Variants in IGF2BP3 observed in about 807,000 individuals in gnomAD.
IGF2BP3 encodes the protein insulin like growth factor 2 mRNA binding protein 3.
Under a neutral mutation model 73.8 loss-of-function variants are expected in IGF2BP3, and 9 were observed. That is an observed-to-expected ratio of 0.12 (90% CI 0.07 to 0.21). The LOEUF is 0.21. Ranked by LOEUF, IGF2BP3 falls within the 10% of genes least tolerant of loss-of-function variation. The pLI, the probability that IGF2BP3 is intolerant of heterozygous loss-of-function variation, is 1.00. For missense variants in IGF2BP3, 542 were observed against 714.0 expected, an observed-to-expected ratio of 0.76 and a Z score of 2.75; for synonymous variants, 258 against 256.7, an observed-to-expected ratio of 1.01 and a Z score of -0.05.
chr7:23,425,821 T>C (rs941554119), intron 2 of IGF2BP3, among the ~76,000 whole-genome samples: 1 of 152,050 alleles, frequency 6.6e-6, no homozygotes, highest in African/African-American at 2.4e-5. Context: ...TTTTTTAGCC[T>C]GGCATAGTGG....
chr7:23,388,286 T>C (rs1012576295), intron 3 of IGF2BP3, among the ~76,000 whole-genome samples: 4 of 152,174 alleles, frequency 2.6e-5, no homozygotes, highest in Non-Finnish European at 4.4e-5. Context: ...TCCACCCCTG[T>C]GTATTTACCT....
At chr7:23,378,669 G>A (rs953717058) in intron 3 of IGF2BP3, among the ~76,000 whole-genome samples, 18 of 149,022 alleles carry the variant, frequency 1.2e-4, no homozygotes, top group Non-Finnish European at 2.4e-4. Flanking sequence ...CGCCTCCCAG[G>A]TTCAAGCCAT....
In IGF2BP3 at chr7:23,349,972, T is replaced by C. The variant is rs575334906; in HGVS notation, c.683+1333A>G. On this transcript the variant is annotated intron_variant, in intron 6 of 14. Transcript: ENST00000258729. ...GACTGACTAGGTTATGGTCCAGTTG[T>C]CTTTCCCACTCCTACATGATGAGGT... 1.4e-4 allele frequency among the ~76,000 whole-genome samples: 21 copies of C among 152,296 alleles called. No homozygotes were observed. The South Asian group carries it at 4.4e-3, about 32-fold the overall frequency.
intron 2 of IGF2BP3, among the ~76,000 whole-genome samples, chr7:23,440,771 T>C (rs543588453): frequency 6.0e-4 from 92 of 152,308 alleles, no homozygotes; most frequent in South Asian, 1.9e-3. Context: ...ACTAGGGCTA[T>C]AGAAGGACCT....
At chr7:23,360,060 T>C (rs746999582) in intron 5 of IGF2BP3, among the ~76,000 whole-genome samples, 1 of 151,206 alleles carries the variant, frequency 6.6e-6, no homozygotes, top group Non-Finnish European at 1.5e-5. Context: ...ACACAAGATA[T>C]CACTTTCACA....
rs114496503 is a variant in IGF2BP3 at position 23,420,513 on chromosome 7, C to T, written c.237-1689G>A. 5.6e-3 allele frequency among the ~76,000 whole-genome samples: 852 copies of T among 152,002 alleles called. 12 individuals carry two copies. The highest frequency in any genetic ancestry group is 0.019 in the African/African-American group (806 of 41,508). Reference sequence around the variant, plus strand: ...GAGAAGAAAAAAGAAAAATAAAAAACAGAAAAAAAACAAAGAACTATAGTG... The same window carrying T: ...GAGAAGAAAAAAGAAAAATAAAAAATAGAAAAAAAACAAAGAACTATAGTG... On this transcript the variant is annotated intron_variant, in intron 2 of 14. Coordinates refer to ENST00000258729, the MANE Select transcript of IGF2BP3 (RefSeq NM_006547.3).
chr7:23,331,283 C>T (rs1216967401), intron 10 of IGF2BP3, among the ~76,000 whole-genome samples: 1 of 152,094 alleles, frequency 6.6e-6, no homozygotes, highest in East Asian at 1.9e-4. Context: ...TACATAAATT[C>T]TTAGAAGTAT....
chr7:23,346,200 G>T, intron 7 of IGF2BP3, 138 bp from the exon 8 acceptor site: 2 of 885,508 alleles, frequency 2.3e-6, no homozygotes, highest in Non-Finnish European at 3.3e-6. Context: ...AAAACTTGCT[G>T]ACAATTGGCC....
intron 3 of IGF2BP3, among the ~76,000 whole-genome samples, chr7:23,367,979 A>T (rs1214103701): frequency 1.3e-5 from 2 of 152,076 alleles, no homozygotes. Flanking sequence ...CAGCCTGGGC[A>T]ACAGATAGAG....
intron 5 of IGF2BP3, among the ~76,000 whole-genome samples, chr7:23,353,847 A>C (rs1785027289): frequency 6.6e-6 from 1 of 152,092 alleles, no homozygotes; most frequent in Non-Finnish European, 1.5e-5. Flanking sequence ...TTCTTAAGGG[A>C]ATGTGGATTA....
chr7:23,364,199 C>T (rs776438979), intron 3 of IGF2BP3, among the ~76,000 whole-genome samples: 1 of 152,032 alleles, frequency 6.6e-6, no homozygotes, highest in Non-Finnish European at 1.5e-5. Flanking sequence ...CATGGTGAAG[C>T]CCCGTCTCTA....
intron 5 of IGF2BP3, among the ~76,000 whole-genome samples, chr7:23,354,426 G>A (rs555872405): frequency 3.3e-5 from 5 of 152,292 alleles, no homozygotes; most frequent in East Asian, 1.9e-4. Flanking sequence ...TATAAATGGC[G>A]TATTGCCAGC....
At chr7:23,443,084 T>C (rs957891961) in intron 2 of IGF2BP3, among the ~76,000 whole-genome samples, 1 of 148,736 alleles carries the variant, frequency 6.7e-6, no homozygotes, top group Non-Finnish European at 1.5e-5. Flanking sequence ...CAGATCTACA[T>C]ATTTAAACAT....
chr7:23,402,900 G>C (rs1048769273), intron 3 of IGF2BP3, among the ~76,000 whole-genome samples: 2 of 152,204 alleles, frequency 1.3e-5, no homozygotes, highest in African/African-American at 4.8e-5. Flanking sequence ...CCTTAAGGAA[G>C]TGGTTTTAGA....
At chr7:23,435,411 A>G (rs940419934) in intron 2 of IGF2BP3, among the ~76,000 whole-genome samples, 12 of 151,682 alleles carry the variant, frequency 7.9e-5, no homozygotes, top group African/African-American at 2.9e-4. Flanking sequence ...TGTCAGCAAC[A>G]TCCAGACCTG....
At chr7:23,384,095 C>CAAAAAA (rs35378177) in intron 3 of IGF2BP3, among the ~76,000 whole-genome samples, 10 of 62,506 alleles carry the variant, frequency 1.6e-4, no homozygotes, top group Admixed American at 1.9e-4. Context: ...GACTCCATCT[C>CAAAAAA]AAAAAAAAAA....
chr7:23,345,882 C>T, intron 8 of IGF2BP3, 58 bp downstream of exon 8: 1 of 1,581,068 alleles, frequency 6.3e-7, no homozygotes, highest in Non-Finnish European at 8.6e-7. Context: ...GCCCAATACA[C>T]AACATGCAGC....
At chr7:23,397,302 G>A (rs535642077) in intron 3 of IGF2BP3, among the ~76,000 whole-genome samples, 11 of 152,342 alleles carry the variant, frequency 7.2e-5, no homozygotes, top group African/African-American at 2.6e-4. Flanking sequence ...TCTAAGAAGA[G>A]GCAGAAGCAA....
intron 3 of IGF2BP3, among the ~76,000 whole-genome samples, chr7:23,381,243 A>T (rs1463653719): frequency 6.6e-6 from 1 of 152,240 alleles, no homozygotes; most frequent in Non-Finnish European, 1.5e-5. Flanking sequence ...TCAAAGGCAG[A>T]TATTAACCCT....
Sources: allele counts gnomAD v4.1 joint callset (sites outside exome capture counted in the v4.1 genomes callset), GRCh38; gene constraint gnomAD v4.1.1; transcripts MANE v1.5; gene names NCBI Gene and HGNC (gene_info 2026-07-23, HGNC 2026-07-21).